Variants in RERE observed in about 807,000 individuals in gnomAD.
RERE encodes the protein arginine-glutamic acid dipeptide repeats, also known as arginine-glutamic acid dipeptide repeats protein.
Under a neutral mutation model 146.1 loss-of-function variants are expected in RERE, and 40 were observed. The observed-to-expected ratio is 0.27, with a 90% confidence interval of 0.21 to 0.36. The LOEUF (loss-of-function observed/expected upper bound fraction) is 0.36. Ranked by LOEUF, RERE falls within the 10% of genes least tolerant of loss-of-function variation. The pLI is 1.00. For synonymous variants in RERE, 1,003 were observed against 866.0 expected, an observed-to-expected ratio of 1.16 and a Z score of -2.78; for missense variants, 1,933 against 2,138.7, an observed-to-expected ratio of 0.90 and a Z score of 1.90.
chr1:8,484,022 T>C (rs1288729979), intron 10 of RERE, among the ~76,000 whole-genome samples: 1 of 152,202 alleles, frequency 6.6e-6, no homozygotes, highest in South Asian at 2.1e-4. Flanking sequence ...TGAATTGTAT[T>C]AGAAACCAGG....
At chr1:8,451,365 G>C (rs1033017627) in intron 11 of RERE, among the ~76,000 whole-genome samples, 3 of 152,176 alleles carry the variant, frequency 2.0e-5, no homozygotes, top group African/African-American at 7.2e-5. Context: ...CCGGAAGGCA[G>C]AGGTTGCAGT....
intron 1 of RERE, among the ~76,000 whole-genome samples, chr1:8,766,264 G>A (rs1640842987): frequency 6.6e-6 from 1 of 152,184 alleles, no homozygotes; most frequent in African/African-American, 2.4e-5. Flanking sequence ...ACAGTGGCCA[G>A]GTGCAGTGGC....
chr1:8,439,695 T>C (rs1362053565), intron 11 of RERE, among the ~76,000 whole-genome samples: 2 of 152,228 alleles, frequency 1.3e-5, no homozygotes, highest in Non-Finnish European at 2.9e-5. Flanking sequence ...TACTTGACTG[T>C]AAATGGGATT....
At chr1:8,527,884 C>A (rs185243884) in intron 7 of RERE, among the ~76,000 whole-genome samples, 40 of 152,318 alleles carry the variant, frequency 2.6e-4, no homozygotes, top group Non-Finnish European at 3.8e-4. Flanking sequence ...TACCACCATG[C>A]CAGCCAGCTC....
chr1:8,702,582 T>TC (rs1639476125), intron 1 of RERE, among the ~76,000 whole-genome samples: 1 of 152,228 alleles, frequency 6.6e-6, no homozygotes, highest in Non-Finnish European at 1.5e-5. Flanking sequence ...ATTTGTCACT[T>TC]AAGTAGCCTC....
At chr1:8,814,514 A>G (rs546919112) in intron 1 of RERE, among the ~76,000 whole-genome samples, 1 of 152,306 alleles carries the variant, frequency 6.6e-6, no homozygotes, top group Non-Finnish European at 1.5e-5. Context: ...ATCAGACTTT[A>G]TAAGACTACT....
At chr1:8,555,143 G>C (rs551775334) in intron 6 of RERE, among the ~76,000 whole-genome samples, 4 of 152,354 alleles carry the variant, frequency 2.6e-5, no homozygotes, top group South Asian at 2.1e-4. Context: ...ACTATGGCCA[G>C]AAAAGCCATA....
At chr1:8,807,217 A>C (rs958779960) in intron 1 of RERE, among the ~76,000 whole-genome samples, 3 of 151,946 alleles carry the variant, frequency 2.0e-5, no homozygotes, top group Admixed American at 6.6e-5. Context: ...ACGCCTGGCT[A>C]ATTTTTAATT....
At chr1:8,746,506 A>G (rs1211141818) in intron 1 of RERE, among the ~76,000 whole-genome samples, 2 of 152,224 alleles carry the variant, frequency 1.3e-5, no homozygotes, top group Non-Finnish European at 2.9e-5. Context: ...ATAAATTTGA[A>G]TATCTCATGT....
At chr1:8,807,760 T>G (rs762225627) in intron 1 of RERE, among the ~76,000 whole-genome samples, 1 of 152,162 alleles carries the variant, frequency 6.6e-6, no homozygotes, top group African/African-American at 2.4e-5. Flanking sequence ...TCTTACACAC[T>G]CTAAAAGACT....
At chr1:8,649,979 G>A (rs1570564093) in intron 2 of RERE, among the ~76,000 whole-genome samples, 1 of 152,246 alleles carries the variant, frequency 6.6e-6, no homozygotes, top group East Asian at 1.9e-4. Flanking sequence ...CAGTGACACT[G>A]GGGTGGCAGA....
At chr1:8,623,814 C>T (rs759092058) in intron 3 of RERE, among the ~76,000 whole-genome samples, 36 of 152,322 alleles carry the variant, frequency 2.4e-4, no homozygotes, top group Non-Finnish European at 3.7e-4. Flanking sequence ...AACTTTACCA[C>T]GCCCAAGCCA....
intron 12 of RERE, among the ~76,000 whole-genome samples, chr1:8,386,820 G>A (rs572407514): frequency 2.6e-5 from 4 of 152,178 alleles, no homozygotes; most frequent in Admixed American, 2.6e-4. Context: ...TCTCTCAGGG[G>A]AAAAGCTGCA....
chr1:8,639,739 C>T (rs1647152112), intron 2 of RERE, among the ~76,000 whole-genome samples: 1 of 152,114 alleles, frequency 6.6e-6, no homozygotes, highest in African/African-American at 2.4e-5. Context: ...CCAGGTGAGA[C>T]CTTTTTGTGA....
chr1:8,407,837 T>C (rs1643493247), intron 12 of RERE, among the ~76,000 whole-genome samples: 1 of 152,086 alleles, frequency 6.6e-6, no homozygotes, highest in African/African-American at 2.4e-5. Flanking sequence ...ACAGGGAGGA[T>C]CAAAGGCGTG....
chr1:8,732,808 CTTTTTTTTTT>C lies in RERE; in HGVS notation c.-144-76377_-144-76368del, dbSNP rs59337140. Among the ~76,000 whole-genome samples the C allele has an allele frequency of 3.1e-3, 203 of 65,740 alleles. 1 individual carries two copies. Among genetic ancestry groups the C allele is most frequent in the African/African-American group, 0.01 (190 of 18,330 alleles). 43.1% of individuals were successfully genotyped at this position (65,740 alleles called of 152,430 possible). ...ACTATCTGCCCAATTTTCAATTTTTCTTTTTTTTTTTTTTTTTTTTTTTTTTTGGTTTAGA... is the reference window on the plus strand; with the variant it reads ...ACTATCTGCCCAATTTTCAATTTTTCTTTTTTTTTTTTTTTTTGGTTTAGA... On this transcript the variant is annotated intron_variant, in intron 1 of 22. Transcript: ENST00000400908.
At chr1:8,466,144 C>T in intron 10 of RERE, 121 bp from the exon 11 acceptor site, 1 of 763,726 alleles carries the variant, frequency 1.3e-6, no homozygotes, top group East Asian at 2.8e-5. Flanking sequence ...GGCACTGAGA[C>T]TCCATCATTT....
At chr1:8,759,852 C>CAT (rs997038540) in intron 1 of RERE, among the ~76,000 whole-genome samples, 2 of 151,428 alleles carry the variant, frequency 1.3e-5, no homozygotes, top group Non-Finnish European at 2.9e-5. Context: ...CACACACACA[C>CAT]ACACACACAC....
chr1:8,789,288 A>AG (rs1227482553), intron 1 of RERE, among the ~76,000 whole-genome samples: 10 of 77,116 alleles, frequency 1.3e-4, no homozygotes, highest in Non-Finnish European at 2.2e-4. Context: ...CTACCAAAAA[A>AG]AAAAAAAAAA....
Sources: gnomAD v4.1 joint callset for allele counts (sites outside exome capture counted in the v4.1 genomes callset) on GRCh38, gnomAD v4.1.1 for gene constraint, MANE v1.5 for transcripts, NCBI Gene and HGNC (gene_info 2026-07-23, HGNC 2026-07-21) for gene names.